The following ABCC4 variants were observed in gnomAD, a reference collection of about 807,000 sequenced individuals.
The protein encoded by ABCC4 is ATP-binding cassette sub-family C member 4.
Under a neutral mutation model 168.5 loss-of-function variants are expected in ABCC4, and 102 were observed. The observed-to-expected ratio is 0.61, with a 90% CI of 0.52 to 0.71. The LOEUF is 0.71. ABCC4 is among the 30% of genes least tolerant of loss of function. The probability of loss-of-function intolerance (pLI) is 0.00; values close to 1 mark genes in which losing one functional copy is unlikely to be tolerated. For missense variants in ABCC4, 1,402 were observed against 1,605.8 expected (o/e 0.87, Z 2.17); for synonymous variants, 617 against 590.7 (o/e 1.04, Z -0.65).
intron 1 of ABCC4, among the ~76,000 whole-genome samples, chr13:95,277,635 G>A (rs1042976344): frequency 4.6e-5 from 7 of 151,764 alleles, no homozygotes; most frequent in Non-Finnish European, 8.8e-5. Context: ...GAATGGGGGC[G>A]TTTACTCTAG....
chr13:95,064,254 GTGTGTGTATATATATATA>G (rs1168419016), intron 25 of ABCC4, among the ~76,000 whole-genome samples: 2,757 of 23,692 alleles, frequency 0.12, 88 homozygotes, highest in Admixed American at 0.16. Flanking sequence ...GGGTGTGTGT[GTGTGTGTATATATATATA>G]TATATATATA....
intron 8 of ABCC4, among the ~76,000 whole-genome samples, chr13:95,199,540 T>C (rs753477322): frequency 3.9e-5 from 6 of 152,112 alleles, no homozygotes; most frequent in Non-Finnish European, 8.8e-5. Flanking sequence ...CCAGGTGATT[T>C]TGCAGCCATA....
chr13:95,200,300 A>G (rs2038586922), intron 8 of ABCC4, among the ~76,000 whole-genome samples: 1 of 152,222 alleles, frequency 6.6e-6, no homozygotes, highest in South Asian at 2.1e-4. Context: ...AAATGATTTT[A>G]GTCTTAAGTT....
chr13:95,047,516 G>C (rs113574255), intron 27 of ABCC4, among the ~76,000 whole-genome samples: 7,770 of 97,016 alleles, frequency 0.08, 276 homozygotes, highest in Middle Eastern at 0.14. Context: ...TTCTTGCTCT[G>C]TCACCCAGGT....
chr13:95,061,124 C>T (rs1311100866), intron 26 of ABCC4, among the ~76,000 whole-genome samples: 1 of 152,194 alleles, frequency 6.6e-6, no homozygotes, highest in Non-Finnish European at 1.5e-5. Flanking sequence ...GGATAGACCA[C>T]GTTTTATTCA....
At chr13:95,172,588 A>AC (rs1555325847) in intron 13 of ABCC4, among the ~76,000 whole-genome samples, 1 of 151,220 alleles carries the variant, frequency 6.6e-6, no homozygotes, top group African/African-American at 2.4e-5. Context: ...AAAAAAAAAA[A>AC]GACAACATTA....
chr13:95,183,324 A>G (rs4148490), intron 11 of ABCC4, among the ~76,000 whole-genome samples: 19,610 of 152,126 alleles, frequency 0.13, 1,393 homozygotes, highest in East Asian at 0.21. Context: ...ATTTCTGTCC[A>G]GCAGGTTTTG....
intron 27 of ABCC4, among the ~76,000 whole-genome samples, chr13:95,045,258 G>A (rs893299166): frequency 1.7e-4 from 26 of 152,164 alleles, no homozygotes; most frequent in African/African-American, 5.3e-4. Context: ...TATAACTCAA[G>A]GGAAAATTTA....
At chr13:95,029,396 C>T (rs144229919) in intron 30 of ABCC4, among the ~76,000 whole-genome samples, 258 of 151,488 alleles carry the variant, frequency 1.7e-3, no homozygotes, top group Admixed American at 3.6e-3. Context: ...TGCTCAAAAA[C>T]CAGAAAAGCT....
intron 7 of ABCC4, 142 bp downstream of exon 7, chr13:95,207,658 A>G: frequency 1.3e-6 from 1 of 799,448 alleles, no homozygotes; most frequent in Non-Finnish European, 2.0e-6. Flanking sequence ...ATTCTACTTA[A>G]CCCAACTGCC....
chr13:95,217,447 T>C (rs1485109705), intron 4 of ABCC4, among the ~76,000 whole-genome samples: 1 of 152,114 alleles, frequency 6.6e-6, no homozygotes, highest in African/African-American at 2.4e-5. Flanking sequence ...AAACAGAAGA[T>C]GCGGCTGGGC....
Position 95,083,179 on chromosome 13 carries a change from A to G in ABCC4, c.2647T>C (p.Leu883=). Residue 883 remains leucine, a synonymous_variant, in exon 21 of 31, where the codon TTG becomes CTG. Coordinates refer to ENST00000645237, the MANE Select transcript of ABCC4 (RefSeq NM_005845.5). The part of the protein sequence containing the change: ...IIFIFLRRYF[L]ETSRDVKRLE... Reference sequence around the variant, plus strand: ...CGCTTCACATCTCTTGACGTTTCCAAAAAATATCGCCGAAGAAAAATGAAA... The same window carrying G: ...CGCTTCACATCTCTTGACGTTTCCAGAAAATATCGCCGAAGAAAAATGAAA... 1 of 1,614,052 alleles carries G rather than the reference A, an allele frequency of 6.2e-7. No homozygotes were observed. Among genetic ancestry groups the G allele is most frequent in the Non-Finnish European group, 8.5e-7 (1 of 1,179,974 alleles).
intron 13 of ABCC4, among the ~76,000 whole-genome samples, chr13:95,173,735 T>C (rs557281240): frequency 6.6e-6 from 1 of 152,294 alleles, no homozygotes; most frequent in East Asian, 1.9e-4. Flanking sequence ...TGCCTGAATG[T>C]TTGTGGCCCT....
At chr13:95,246,120 C>A (rs1179505711) in intron 3 of ABCC4, among the ~76,000 whole-genome samples, 1 of 152,158 alleles carries the variant, frequency 6.6e-6, no homozygotes, top group African/African-American at 2.4e-5. Flanking sequence ...TGTCTTTCTG[C>A]AGATCTCAAG....
chr13:95,203,007 C>A (rs1329750163), intron 8 of ABCC4, among the ~76,000 whole-genome samples: 7 of 152,058 alleles, frequency 4.6e-5, no homozygotes, highest in Non-Finnish European at 1.0e-4. Flanking sequence ...CCGGATCAGC[C>A]TTTTATTAAC....
intron 25 of ABCC4, among the ~76,000 whole-genome samples, chr13:95,069,541 G>A (rs576885508): frequency 6.6e-6 from 1 of 152,174 alleles, no homozygotes; most frequent in Non-Finnish European, 1.5e-5. Flanking sequence ...TTGGGCAACC[G>A]TCACCATCAT....
intron 20 of ABCC4, among the ~76,000 whole-genome samples, chr13:95,089,023 C>T (rs2034344760): frequency 6.6e-6 from 1 of 151,844 alleles, no homozygotes; most frequent in Non-Finnish European, 1.5e-5. Flanking sequence ...AGAAGAGATA[C>T]TACAGGCATT....
chr13:95,218,935 A>AAGAGAG (rs879448359), intron 4 of ABCC4, among the ~76,000 whole-genome samples: 785 of 26,692 alleles, frequency 0.029, 31 homozygotes, highest in African/African-American at 0.13. Context: ...AAGAGAAAGA[A>AAGAGAG]AGAAAGAAAG....
chr13:95,164,227 TG>T, intron 16 of ABCC4, 150 bp downstream of exon 16: 1 of 889,882 alleles, frequency 1.1e-6, no homozygotes, highest in Non-Finnish European at 1.7e-6. Flanking sequence ...GTAACGGACA[TG>T]GAACACCAGT....
Sources: allele counts gnomAD v4.1 joint callset (sites outside exome capture counted in the v4.1 genomes callset), GRCh38; gene constraint gnomAD v4.1.1; transcripts MANE v1.5; gene names NCBI Gene and HGNC (gene_info 2026-07-23, HGNC 2026-07-21).